NEB: variants seen among roughly 807,000 people sequenced by gnomAD.
NEB encodes the protein nemaline myopathy type 2.
NEB carries 512 observed loss-of-function variants against 952.2 expected under a neutral mutation model. The observed-to-expected ratio is 0.54, with a 90% CI of 0.50 to 0.58. The LOEUF is 0.58. Ranked by LOEUF, NEB falls within the 20% of genes least tolerant of loss-of-function variation. NEB has a pLI of 0.00. For missense variants in NEB, 8,428 were observed against 9,231.1 expected (o/e 0.91, Z 3.56); for synonymous variants, 2,900 against 3,149.8 (o/e 0.92, Z 2.66).
chr2:151,579,435 C>T lies in NEB; in HGVS notation c.16607G>A (p.Ser5536Asn). ...CAGGTAATGGCGATAGTCCACATCA[C>T]TTGCCAGTGCCTGACCTTCTTTGGC... ...SAAKEGQALA[S>N]DVDYRHYLHR... Residue 5536 changes from serine (S) to asparagine (N), a missense_variant, in exon 105 of 182, where the codon AGT (serine) becomes AAT (asparagine). By Grantham distance (46) the Ser-to-Asn change is conservative (BLOSUM62 1). This residue lies in a region of NEB where 19 missense variants were observed against 49.3 expected (regional missense o/e 0.39). Transcript: ENST00000397345. 1 of 1,530,484 alleles carries T rather than the reference C, an allele frequency of 6.5e-7. No homozygotes were observed. Among genetic ancestry groups the T allele is most frequent in the Non-Finnish European group, 8.8e-7 (1 of 1,133,604 alleles). 94.8% of individuals were successfully genotyped at this position (1,530,484 alleles called of 1,614,324 possible).
intron 47 of NEB, among the ~76,000 whole-genome samples, chr2:151,658,494 T>C (rs1374162439): frequency 6.6e-6 from 1 of 150,386 alleles, no homozygotes; most frequent in Non-Finnish European, 1.5e-5. Context: ...AATCTACAAT[T>C]AAAAAAAAAG....
At chr2:151,558,814 A>G (rs1490543135) in intron 124 of NEB, among the ~76,000 whole-genome samples, 1 of 152,212 alleles carries the variant, frequency 6.6e-6, no homozygotes, top group African/African-American at 2.4e-5. Flanking sequence ...ATGGACTAAA[A>G]ATGTACACAT....
rs530643847 is a variant in NEB, at chr2:151,667,707, T to C, written c.4719+97A>G. ...CACATCTGGCTAATTTTTTTTTTTATTTCTGTAGAGACAGGGTCTTGCTAT... is the reference window on the plus strand; with the variant it reads ...CACATCTGGCTAATTTTTTTTTTTACTTCTGTAGAGACAGGGTCTTGCTAT... On this transcript the variant is annotated intron_variant, in intron 40 of 181. Coordinates refer to ENST00000397345, the MANE Select transcript of NEB (RefSeq NM_001164508.2). The C allele has an allele frequency of 7.1e-6, 6 of 842,456 alleles. No individual in the cohort carries two copies. The South Asian group carries it at 8.2e-5, about 12-fold the overall frequency. The allele number at this position is 842,456 out of a possible 1,614,324, so 52.2% of individuals were successfully genotyped here.
At chr2:151,489,719 A>G (rs1035205234) in intron 181 of NEB, among the ~76,000 whole-genome samples, 1 of 152,078 alleles carries the variant, frequency 6.6e-6, no homozygotes, top group South Asian at 2.1e-4. Flanking sequence ...AGTAGGTGAG[A>G]CCAATGAGCC....
At chr2:151,643,115 A>C in intron 58 of NEB, 35 bp downstream of exon 58, 1 of 1,574,232 alleles carries the variant, frequency 6.4e-7, no homozygotes, top group Non-Finnish European at 8.7e-7. Context: ...AAACAAAAAA[A>C]ATTAATAACC....
In NEB at chr2:151,643,460, T is replaced by G. The variant is rs1574926618; in HGVS notation, c.7957-107A>C. On this transcript the variant is annotated intron_variant, in intron 57 of 181. Coordinates refer to ENST00000397345, the MANE Select transcript of NEB (RefSeq NM_001164508.2). Reference sequence around the variant, plus strand: ...CCCTAAATAAAAGTTCATATTATACTCTATATTTTTAATACTTGAATTATT... The same window carrying G: ...CCCTAAATAAAAGTTCATATTATACGCTATATTTTTAATACTTGAATTATT... The G allele has an allele frequency of 5.3e-6, 5 of 949,542 alleles. No homozygotes were observed. The East Asian group carries it at 1.4e-4, about 26-fold the overall frequency. 58.8% of individuals were successfully genotyped at this position (949,542 alleles called of 1,614,324 possible). A position where few individuals can be genotyped will look rare whatever the true frequency, so the allele number is the denominator to read the frequency against.
chr2:151,563,433 C>T (rs2096211304), intron 119 of NEB, among the ~76,000 whole-genome samples, 173 bp downstream of exon 119: 1 of 152,088 alleles, frequency 6.6e-6, no homozygotes, highest in Non-Finnish European at 1.5e-5. Flanking sequence ...GGAGGAAGCA[C>T]ACAGCTACCA....
chr2:151,725,410 A>G (rs2099787522), intron 6 of NEB, 43 bp downstream of exon 6: 1 of 1,507,130 alleles, frequency 6.6e-7, no homozygotes, highest in Admixed American at 1.7e-5. Context: ...CAGTAGGTGT[A>G]TTTTGAAATG....
At chr2:151,511,923 T>TTGATTCA (rs1450184233) in intron 161 of NEB, among the ~76,000 whole-genome samples, 2 of 152,142 alleles carry the variant, frequency 1.3e-5, no homozygotes, top group African/African-American at 4.8e-5. Flanking sequence ...TGTTAAAATA[T>TTGATTCA]TGATTCATTA....
intron 141 of NEB, among the ~76,000 whole-genome samples, chr2:151,536,754 T>C (rs1413635542): frequency 6.6e-6 from 1 of 152,164 alleles, no homozygotes; most frequent in Non-Finnish European, 1.5e-5. Flanking sequence ...AATAGGAAAA[T>C]GAGGCTATAA....
intron 8 of NEB, among the ~76,000 whole-genome samples, chr2:151,723,750 G>GTTTTTTTTTTTTTTTTT (rs11308757): frequency 9.2e-4 from 47 of 51,362 alleles, no homozygotes; most frequent in Middle Eastern, 0.042. Context: ...TGCCTTCTTT[G>GTTTTTTTTTTTTTTTTT]TTTTTTTTTT....
chr2:151,656,727 C>A (rs1306341368), intron 48 of NEB, among the ~76,000 whole-genome samples: 1 of 151,864 alleles, frequency 6.6e-6, no homozygotes, highest in African/African-American at 2.4e-5. Context: ...GCTGAGCAAC[C>A]TGCTGAGGCC....
At chr2:151,691,806 C>G in intron 23 of NEB, 58 bp downstream of exon 23, 1 of 1,187,732 alleles carries the variant, frequency 8.4e-7, no homozygotes, top group Non-Finnish European at 1.2e-6. Context: ...CTAAATTTAC[C>G]ACTAGATGTC....
intron 30 of NEB, 21 bp from the exon 31 acceptor site, chr2:151,680,043 T>C (rs756002873): frequency 6.6e-7 from 1 of 1,509,946 alleles, no homozygotes; most frequent in Admixed American, 1.7e-5. Flanking sequence ...AAAAAATGCA[T>C]AAACAAACAA....
intron 8 of NEB, among the ~76,000 whole-genome samples, chr2:151,723,750 G>GTTTTTTTTTT (rs11308757): frequency 7.8e-5 from 4 of 51,364 alleles, no homozygotes; most frequent in African/African-American, 2.2e-4. Context: ...TGCCTTCTTT[G>GTTTTTTTTTT]TTTTTTTTTT....
rs1011450469 is a variant in NEB at position 151,669,127 on chromosome 2, T to G, written c.4511A>C (p.Asn1504Thr). The change falls in exon 39 of 182, where the codon AAC becomes ACC. Residue 1504 changes from asparagine (N) to threonine (T), a missense_variant. Around this residue, in one of 11 missense-constraint regions of NEB, gnomAD observed 2,851 missense variants for 2,791.5 expected, o/e 1.02. Transcript: ENST00000397345. ...CAGTTTCTCTCCCTCTACCTTGTAG[T>G]TCAACTAAAAACAAAGGAGACAGCA... ...QHNTKQLSDLNYKVEGEKLKH... is the reference protein window; with the variant it reads ...QHNTKQLSDLTYKVEGEKLKH... The G allele has an allele frequency of 1.5e-5, 23 of 1,568,210 alleles. No homozygotes were observed. The highest frequency in any genetic ancestry group is 2.0e-5 in the Non-Finnish European group (23 of 1,152,218).
chr2:151,617,484 AAAAAGAGAG>A lies in NEB; in HGVS notation c.11077-25_11077-17del. On this transcript the variant is annotated splice_polypyrimidine_tract_variant and intron_variant, in intron 74 of 181. Coordinates refer to ENST00000397345, the MANE Select transcript of NEB (RefSeq NM_001164508.2). ...TATATAAGCGCTACAAAAAAAAAAAAAAAAGAGAGAGAGAGAGAGAAAAATTATTTTGGT... is the reference window on the plus strand; with the variant it reads ...TATATAAGCGCTACAAAAAAAAAAAAAGAGAGAGAGAAAAATTATTTTGGT... The A allele has an allele frequency of 1.4e-6, 2 of 1,411,620 alleles. No homozygotes were observed. Among genetic ancestry groups the A allele is most frequent in the Non-Finnish European group, 1.9e-6 (2 of 1,048,132 alleles). The allele number at this position is 1,411,620 out of a possible 1,614,324, so 87.4% of individuals were successfully genotyped here. A position where few individuals can be genotyped will look rare whatever the true frequency, so the allele number is the denominator to read the frequency against.
intron 179 of NEB, chr2:151,491,430 CTTTGGAAGAAAAATTAGAAATGATA>C: frequency 2.9e-6 from 1 of 341,738 alleles, no homozygotes. Context: ...ACTGTTTTTT[CTTTGGAAGAAAAATTAGAAATGATA>C]ATAATGGGAG....
intron 55 of NEB, 53 bp from the exon 56 acceptor site, chr2:151,644,628 T>A: frequency 7.2e-7 from 1 of 1,393,276 alleles, no homozygotes; most frequent in Non-Finnish European, 1.0e-6. Flanking sequence ...TAGACAAATA[T>A]AGCATAATGA....
Sources: allele counts gnomAD v4.1 joint callset (sites outside exome capture counted in the v4.1 genomes callset), GRCh38; gene constraint gnomAD v4.1.1; regional missense constraint gnomAD v4.1.1; transcripts MANE v1.5; gene names NCBI Gene and HGNC (gene_info 2026-07-23, HGNC 2026-07-21).